AGPAT5: variants seen among roughly 807,000 people sequenced by gnomAD.
The protein encoded by AGPAT5 is 1-acyl-sn-glycerol-3-phosphate acyltransferase epsilon.
Under a neutral mutation model 45.6 loss-of-function variants are expected in AGPAT5, and 46 were observed. The observed-to-expected ratio is 1.01, with a 90% CI of 0.80 to 1.29. The LOEUF is 1.29. Ranked by LOEUF, AGPAT5 falls within the 50% of genes most tolerant of loss-of-function variation. The pLI is 0.00. For missense variants in AGPAT5, 673 were observed against 450.7 expected (o/e 1.49, Z -4.47); for synonymous variants, 272 against 167.0 (o/e 1.63, Z -4.85).
chr8:6,753,335 A>G (rs1801719651), intron 6 of AGPAT5, among the ~76,000 whole-genome samples: 1 of 152,158 alleles, frequency 6.6e-6, no homozygotes. Context: ...AATACCGGGT[A>G]TCTGCAGTGT....
intron 2 of AGPAT5, among the ~76,000 whole-genome samples, chr8:6,728,895 C>A (rs941734043): frequency 3.3e-5 from 5 of 152,134 alleles, no homozygotes; most frequent in Admixed American, 3.3e-4. Context: ...AGGGCTTCAA[C>A]AGGAATTTAT....
intron 7 of AGPAT5, among the ~76,000 whole-genome samples, chr8:6,755,886 AT>A (rs1404593542): frequency 1.3e-5 from 2 of 152,232 alleles, no homozygotes; most frequent in African/African-American, 4.8e-5. Context: ...ACTGTACATG[AT>A]GTAATGTATT....
intron 1 of AGPAT5, among the ~76,000 whole-genome samples, chr8:6,721,405 G>C (rs10104813): frequency 0.021 from 3,200 of 152,292 alleles, 114 homozygotes; most frequent in African/African-American, 0.073. Flanking sequence ...TCACTTAACA[G>C]AGTTTTGAAT....
In AGPAT5 at chr8:6,740,328, T is replaced by C. The variant is rs1801205834; in HGVS notation, c.496-1333T>C. Reference sequence around the variant, plus strand: ...AAAATGAATGTGTGGTGTTTGGAACTAGCTTTAATGTTTGTCTTCCTGTTT... The same window carrying C: ...AAAATGAATGTGTGGTGTTTGGAACCAGCTTTAATGTTTGTCTTCCTGTTT... On this transcript the variant is annotated intron_variant, in intron 4 of 7. Coordinates refer to ENST00000285518, the MANE Select transcript of AGPAT5 (RefSeq NM_018361.5). Among the ~76,000 whole-genome samples, 5 of 151,968 alleles carry C rather than the reference T, an allele frequency of 3.3e-5. No homozygotes were observed. In the South Asian group the frequency reaches 1.0e-3, roughly 31 times the overall value.
intron 1 of AGPAT5, among the ~76,000 whole-genome samples, chr8:6,724,150 T>A (rs1007505038): frequency 6.6e-6 from 1 of 152,228 alleles, no homozygotes; most frequent in Non-Finnish European, 1.5e-5. Flanking sequence ...AAAAATAAAC[T>A]GGAATGATGT....
intron 6 of AGPAT5, among the ~76,000 whole-genome samples, chr8:6,748,578 C>G (rs1355745904): frequency 2.0e-5 from 3 of 152,144 alleles, no homozygotes; most frequent in Admixed American, 6.5e-5. Flanking sequence ...AATCTTGGCT[C>G]ACTGCAACCT....
intron 1 of AGPAT5, 121 bp from the exon 2 acceptor site, chr8:6,724,749 T>G (rs950361884): frequency 2.9e-6 from 1 of 346,818 alleles, no homozygotes; most frequent in Non-Finnish European, 5.5e-6. Context: ...AAATCTAATT[T>G]TTGTTAATCA....
At chr8:6,728,579 A>G (rs1173362175) in intron 2 of AGPAT5, among the ~76,000 whole-genome samples, 2 of 152,216 alleles carry the variant, frequency 1.3e-5, no homozygotes, top group Non-Finnish European at 1.5e-5. Context: ...GCCATAATAT[A>G]ACCATAAAAC....
intron 1 of AGPAT5, 143 bp from the exon 2 acceptor site, chr8:6,724,727 G>C: frequency 3.2e-6 from 1 of 311,172 alleles, no homozygotes; most frequent in Non-Finnish European, 6.2e-6. Context: ...TGATCTCTGA[G>C]GCTCCTGTGA....
At chr8:6,708,955 C>G in intron 1 of AGPAT5, 68 bp downstream of exon 1, 1 of 1,461,888 alleles carries the variant, frequency 6.8e-7, no homozygotes, top group African/African-American at 1.4e-5. Flanking sequence ...CCTCTCCGCT[C>G]CCCCACAGCT....
chr8:6,731,070 G>C (rs1166926022), intron 3 of AGPAT5, among the ~76,000 whole-genome samples: 1 of 151,644 alleles, frequency 6.6e-6, no homozygotes, highest in Non-Finnish European at 1.5e-5. Flanking sequence ...GGGTCTCGCT[G>C]TGTTGCCCAG....
chr8:6,753,216 G>C (rs1247954519), intron 6 of AGPAT5, among the ~76,000 whole-genome samples: 2 of 152,348 alleles, frequency 1.3e-5, no homozygotes, highest in Middle Eastern at 3.4e-3. Flanking sequence ...TGACGTCTTA[G>C]TAGAGGCCCT....
rs558542038 is a variant in AGPAT5, at chr8:6,760,654, G to A, written c.*3266G>A. ...TGGTGGAAAGCTACAATGCAATGTC[G>A]TTGTAGTTTTGCATGGCTTGCTTTA... On this transcript the variant is annotated 3_prime_UTR_variant, in exon 8 of 8. Coordinates refer to ENST00000285518, the MANE Select transcript of AGPAT5 (RefSeq NM_018361.5). Among the ~76,000 whole-genome samples, 9 of 152,282 alleles carry A rather than the reference G, an allele frequency of 5.9e-5. No individual in the cohort carries two copies. The highest frequency in any genetic ancestry group is 8.8e-5 in the Non-Finnish European group (6 of 68,014).
At chr8:6,757,122 T>C in intron 7 of AGPAT5, 41 bp from the exon 8 acceptor site, 1 of 1,493,290 alleles carries the variant, frequency 6.7e-7, no homozygotes, top group Non-Finnish European at 9.2e-7. Context: ...ATTGAAATAC[T>C]GAAGTGACTA....
Position 6,716,066 on chromosome 8 carries a change from GCC to G in AGPAT5, c.219+7181_219+7182del, listed in dbSNP as rs374451411. Reference sequence around the variant, plus strand: ...GCTCCTCTCTGGAATTCCAACTCAAGCCCTTGCTTTTCTCCATCTGTCATGAT... The same window carrying G: ...GCTCCTCTCTGGAATTCCAACTCAAGCTTGCTTTTCTCCATCTGTCATGAT... On this transcript the variant is annotated intron_variant, in intron 1 of 7. Transcript: ENST00000285518. 5.4e-4 allele frequency among the ~76,000 whole-genome samples: 82 copies of G among 152,120 alleles called. 1 individual carries two copies. Among genetic ancestry groups the G allele is most frequent in the Non-Finnish European group, 9.3e-4 (63 of 67,994 alleles).
chr8:6,732,545 G>C lies in AGPAT5; in HGVS notation c.406-16G>C. ...TTTAAAAGTAAATGCTCTTTCTCCC[G>C]ATTTGATTGTGGCAGCATGGAGGAA... On this transcript the variant is annotated splice_polypyrimidine_tract_variant and intron_variant, in intron 3 of 7. Coordinates refer to ENST00000285518, the MANE Select transcript of AGPAT5 (RefSeq NM_018361.5). 1 of 1,578,016 alleles carries C rather than the reference G, an allele frequency of 6.3e-7. No homozygotes were observed. Among genetic ancestry groups the C allele is most frequent in the Non-Finnish European group, 8.6e-7 (1 of 1,168,288 alleles).
chr8:6,714,222 C>G (rs1339479531), intron 1 of AGPAT5, among the ~76,000 whole-genome samples: 1 of 152,192 alleles, frequency 6.6e-6, no homozygotes, highest in Non-Finnish European at 1.5e-5. Context: ...CATGTGAAGA[C>G]CTTAAATAGA....
At chr8:6,749,822 C>T (rs778842979) in intron 6 of AGPAT5, among the ~76,000 whole-genome samples, 7 of 152,196 alleles carry the variant, frequency 4.6e-5, no homozygotes, top group Non-Finnish European at 7.3e-5. Flanking sequence ...AATGCTGCTA[C>T]TTTTATCATG....
intron 1 of AGPAT5, among the ~76,000 whole-genome samples, chr8:6,716,019 C>T (rs1290845185): frequency 6.6e-6 from 1 of 152,118 alleles, no homozygotes; most frequent in Non-Finnish European, 1.5e-5. Flanking sequence ...TCCTTCTGGG[C>T]CGCCCCTCCC....
Sources: gnomAD v4.1 joint callset for allele counts (sites outside exome capture counted in the v4.1 genomes callset) on GRCh38, gnomAD v4.1.1 for gene constraint, MANE v1.5 for transcripts, NCBI Gene and HGNC (gene_info 2026-07-23, HGNC 2026-07-21) for gene names.